Variants in TEAD4 observed in about 807,000 individuals in gnomAD.
TEAD4 encodes the protein TEA domain transcription factor 4.
Under a neutral mutation model 52.4 loss-of-function variants are expected in TEAD4, and 36 were observed. The ratio of observed to expected loss-of-function variants is 0.69; its 90% CI spans 0.53 to 0.91. The LOEUF is 0.91. TEAD4 is among the 40% of genes least tolerant of loss of function. TEAD4 has a pLI of 0.00. For missense variants in TEAD4, 508 were observed against 583.9 expected (o/e 0.87, Z 1.34); for synonymous variants, 220 against 231.0 (o/e 0.95, Z 0.43).
intron 3 of TEAD4, among the ~76,000 whole-genome samples, chr12:3,002,506 C>A (rs764049423): frequency 2.0e-5 from 3 of 152,218 alleles, no homozygotes; most frequent in Admixed American, 6.5e-5. Flanking sequence ...ATATCCTCAT[C>A]AGCGCTTGTT....
At chr12:2,996,617 T>G (rs2098247415) in intron 3 of TEAD4, among the ~76,000 whole-genome samples, 1 of 152,134 alleles carries the variant, frequency 6.6e-6, no homozygotes, top group Non-Finnish European at 1.5e-5. Flanking sequence ...TCCATGTTGG[T>G]CAGGCTGGTC....
chr12:3,024,794 A>T (rs906396900), intron 10 of TEAD4, among the ~76,000 whole-genome samples: 3 of 152,182 alleles, frequency 2.0e-5, no homozygotes, highest in African/African-American at 7.2e-5. Context: ...TATTCTTAAA[A>T]TTTTACAAAT....
chr12:2,970,423 T>C (rs1591554121), intron 2 of TEAD4, among the ~76,000 whole-genome samples: 2 of 152,348 alleles, frequency 1.3e-5, no homozygotes, highest in Admixed American at 1.3e-4. Context: ...GAAGACTAAA[T>C]GAGTTAATAT....
At chr12:2,982,774 A>G (rs563670806) in intron 2 of TEAD4, among the ~76,000 whole-genome samples, 17 of 152,322 alleles carry the variant, frequency 1.1e-4, no homozygotes, top group South Asian at 8.3e-4. Context: ...TTCCTGGGAC[A>G]GACCCAATCC....
chr12:3,015,581 G>C (rs2098263858), intron 5 of TEAD4, among the ~76,000 whole-genome samples: 1 of 152,250 alleles, frequency 6.6e-6, no homozygotes, highest in African/African-American at 2.4e-5. Context: ...CCACCTCATG[G>C]AGCTGCGTGT....
At chr12:2,961,919 C>T (rs979565758) in intron 2 of TEAD4, among the ~76,000 whole-genome samples, 13 of 152,110 alleles carry the variant, frequency 8.5e-5, no homozygotes, top group South Asian at 2.1e-4. Flanking sequence ...TGTTCCGCGT[C>T]CTTAGGAATC....
chr12:3,033,869 A>G (rs1274141781), intron 10 of TEAD4, among the ~76,000 whole-genome samples: 1 of 146,696 alleles, frequency 6.8e-6, no homozygotes, highest in Non-Finnish European at 1.5e-5. Context: ...TGGACAGGAA[A>G]TGTCAGGAAG....
chr12:2,983,805 C>T (rs1056261585), intron 2 of TEAD4, among the ~76,000 whole-genome samples: 2 of 152,220 alleles, frequency 1.3e-5, no homozygotes, highest in African/African-American at 4.8e-5. Context: ...AATATCCCTT[C>T]GTTTGTTCAT....
At chr12:2,995,438 A>C (rs1290152029) in intron 3 of TEAD4, among the ~76,000 whole-genome samples, 1 of 152,146 alleles carries the variant, frequency 6.6e-6, no homozygotes, top group African/African-American at 2.4e-5. Context: ...GTCTAGTCCC[A>C]GCCTGTCATC....
chr12:3,038,902 A>G (rs1213825426), intron 11 of TEAD4, among the ~76,000 whole-genome samples: 2 of 152,220 alleles, frequency 1.3e-5, no homozygotes, highest in African/African-American at 2.4e-5. Context: ...CCTCCAACCC[A>G]AAGCACCTGT....
intron 7 of TEAD4, 34 bp from the exon 8 acceptor site, chr12:3,019,081 G>A (rs1267083458): frequency 6.2e-6 from 10 of 1,613,544 alleles, no homozygotes; most frequent in East Asian, 4.5e-5. Context: ...TGGCCTGCCC[G>A]AGGCTGACAC....
At chr12:3,006,639 G>A (rs1018493606) in intron 3 of TEAD4, among the ~76,000 whole-genome samples, 8 of 150,924 alleles carry the variant, frequency 5.3e-5, no homozygotes, top group African/African-American at 1.2e-4. Flanking sequence ...AGCCAAGATC[G>A]CGCCATTTCA....
chr12:2,960,690 AGAGT>A (rs1388518592), intron 2 of TEAD4, among the ~76,000 whole-genome samples: 2 of 152,134 alleles, frequency 1.3e-5, no homozygotes, highest in Admixed American at 6.6e-5. Flanking sequence ...CGTGAGTGAC[AGAGT>A]GTGTGTATAT....
In TEAD4 at chr12:2,995,014, G is replaced by T; in HGVS notation, c.226+22G>T. 1.9e-6 allele frequency: 3 copies of T among 1,607,154 alleles called. No individual in the cohort carries two copies. The South Asian group carries it at 3.3e-5, about 18-fold the overall frequency. ...TATGGTAAGGAGCCCGTCGGGTTCA[G>T]CCCTGTACCTGAGGCTGAGGCAAGG... On this transcript the variant is annotated intron_variant, in intron 3 of 12. Transcript: ENST00000359864.
At chr12:3,001,776 C>CAAAA (rs201617310) in intron 3 of TEAD4, among the ~76,000 whole-genome samples, 2 of 128,642 alleles carry the variant, frequency 1.6e-5, no homozygotes, top group African/African-American at 5.8e-5. Flanking sequence ...GACTCTGTCT[C>CAAAA]AAAAAAAAAA....
At chr12:2,961,501 TGC>T (rs2098215290) in intron 2 of TEAD4, among the ~76,000 whole-genome samples, 1 of 152,064 alleles carries the variant, frequency 6.6e-6, no homozygotes, top group Non-Finnish European at 1.5e-5. Context: ...CGGCCTGGTG[TGC>T]GACTGGTCTA....
At chr12:2,983,313 A>G (rs1474845025) in intron 2 of TEAD4, among the ~76,000 whole-genome samples, 1 of 152,126 alleles carries the variant, frequency 6.6e-6, no homozygotes, top group Non-Finnish European at 1.5e-5. Context: ...ACATCTCACT[A>G]TGTCATCTCT....
At chr12:2,998,999 G>A (rs993981038) in intron 3 of TEAD4, among the ~76,000 whole-genome samples, 1 of 152,206 alleles carries the variant, frequency 6.6e-6, no homozygotes, top group Non-Finnish European at 1.5e-5. Context: ...CGGGGGCCGA[G>A]CCAAGGCAGG....
chr12:2,960,316 C>T, intron 2 of TEAD4: 4 of 985,516 alleles, frequency 4.1e-6, no homozygotes, highest in Non-Finnish European at 4.8e-6. Flanking sequence ...CTCTTTTCTG[C>T]TGGGCCCTTT....
Sources: gnomAD v4.1 joint callset for allele counts (sites outside exome capture counted in the v4.1 genomes callset) on GRCh38, gnomAD v4.1.1 for gene constraint, MANE v1.5 for transcripts, NCBI Gene and HGNC (gene_info 2026-07-23, HGNC 2026-07-21) for gene names.